Variants in WWOX observed in about 807,000 individuals in gnomAD.
WWOX encodes WW domain containing oxidoreductase.
Under a neutral mutation model 46.2 loss-of-function variants are expected in WWOX, and 69 were observed. The ratio of observed to expected loss-of-function variants is 1.49; its 90% CI spans 1.23 to 1.82. The LOEUF is 1.82. Among genes scored for constraint, WWOX ranks in the 40% most tolerant of loss-of-function variants. The pLI is 0.00. For missense variants in WWOX, 919 were observed against 542.6 expected (o/e 1.69, Z -6.89); for synonymous variants, 359 against 202.6 (o/e 1.77, Z -6.56).
intron 5 of WWOX, among the ~76,000 whole-genome samples, chr16:78,324,276 G>C (rs759002694): frequency 6.6e-6 from 1 of 152,112 alleles, no homozygotes; most frequent in Non-Finnish European, 1.5e-5. Flanking sequence ...ATGTAGAAGT[G>C]AAAAGTCAGA....
intron 8 of WWOX, among the ~76,000 whole-genome samples, chr16:79,198,236 G>C (rs1436768705): frequency 1.3e-5 from 2 of 152,124 alleles, no homozygotes; most frequent in East Asian, 3.9e-4. Context: ...TACTCGGGAG[G>C]CTGAGGCAGG....
At chr16:78,401,084 T>C (rs1567550303) in intron 6 of WWOX, among the ~76,000 whole-genome samples, 1 of 152,216 alleles carries the variant, frequency 6.6e-6, no homozygotes, top group African/African-American at 2.4e-5. Context: ...CCTCCCAAAA[T>C]ACTGGGATTA....
At chr16:79,108,347 G>A (rs536244770) in intron 8 of WWOX, among the ~76,000 whole-genome samples, 3 of 152,354 alleles carry the variant, frequency 2.0e-5, no homozygotes, top group Admixed American at 2.0e-4. Context: ...TAGCTGAGCT[G>A]CGTATTAAGT....
intron 8 of WWOX, among the ~76,000 whole-genome samples, chr16:78,777,378 T>C (rs1464949035): frequency 6.6e-6 from 1 of 152,210 alleles, no homozygotes; most frequent in African/African-American, 2.4e-5. Flanking sequence ...GTGACTAGTA[T>C]GACCAGGGGC....
chr16:78,522,112 T>C (rs1197883191), intron 8 of WWOX, among the ~76,000 whole-genome samples: 1 of 142,764 alleles, frequency 7.0e-6, no homozygotes, highest in Non-Finnish European at 1.5e-5. Context: ...TACAAGGGAA[T>C]ATGGAGGAGA....
chr16:78,630,075 A>G (rs550306412), intron 8 of WWOX, among the ~76,000 whole-genome samples: 14 of 152,110 alleles, frequency 9.2e-5, no homozygotes, highest in Non-Finnish European at 1.8e-4. Context: ...CAGGGATTTT[A>G]GTCTATTTCA....
chr16:78,961,593 G>A (rs56397326), intron 8 of WWOX, among the ~76,000 whole-genome samples: 10,145 of 151,916 alleles, frequency 0.067, 456 homozygotes, highest in Non-Finnish European at 0.1. Flanking sequence ...AGTAAGGGGG[G>A]ATAAATGAAA....
chr16:78,471,998 A>G (rs17638536), intron 8 of WWOX, among the ~76,000 whole-genome samples: 21,065 of 152,162 alleles, frequency 0.14, 1,557 homozygotes, highest in Non-Finnish European at 0.16. Flanking sequence ...CCAATGTTTC[A>G]CTTTATTCAG....
In WWOX at chr16:78,401,348, C is replaced by G. The variant is rs1269451154; in HGVS notation, c.605+14400C>G. On this transcript the variant is annotated intron_variant, in intron 6 of 8. Transcript: ENST00000566780. ...TTGAACCTAATATTTCTTAAAGTAG[C>G]TAAAATTCAGATATTGAGAATAAAT... 2.0e-5 allele frequency among the ~76,000 whole-genome samples: 3 copies of G among 152,082 alleles called. No homozygotes were observed. The South Asian group carries it at 6.2e-4, about 32-fold the overall frequency.
Position 79,137,938 on chromosome 16 carries a change from T to C in WWOX, c.1057-73670T>C, listed in dbSNP as rs149153303. On this transcript the variant is annotated intron_variant, in intron 8 of 8. Transcript: ENST00000566780. ...CATCAGAGGAAGAAAAAAAAAACTT[T>C]GAAGTTTTGAGGATGAAATTGGTAA... Among the ~76,000 whole-genome samples the C allele has an allele frequency of 3.8e-3, 572 of 152,194 alleles. 6 individuals carry two copies. The highest frequency in any genetic ancestry group is 0.013 in the African/African-American group (541 of 41,506).
chr16:79,053,371 G>A (rs560677887), intron 8 of WWOX, among the ~76,000 whole-genome samples: 55 of 152,206 alleles, frequency 3.6e-4, no homozygotes, highest in African/African-American at 1.2e-3. Flanking sequence ...TTCTTAGTGC[G>A]CACGTAAAGA....
chr16:78,483,460 T>C (rs1207644781), intron 8 of WWOX, among the ~76,000 whole-genome samples: 1 of 151,288 alleles, frequency 6.6e-6, no homozygotes, highest in Non-Finnish European at 1.5e-5. Flanking sequence ...TAATGGTCTT[T>C]AGCAAAGGAA....
At chr16:78,951,949 G>A (rs1375583977) in intron 8 of WWOX, among the ~76,000 whole-genome samples, 1 of 152,188 alleles carries the variant, frequency 6.6e-6, no homozygotes, top group Non-Finnish European at 1.5e-5. Context: ...TTAAACTGTA[G>A]CAAAGTGATC....
rs575465810 is a variant in WWOX at position 78,400,288 on chromosome 16, A to T, written c.605+13340A>T. Among the ~76,000 whole-genome samples, 18 of 152,322 alleles carry T rather than the reference A, an allele frequency of 1.2e-4. No homozygotes were observed. In the East Asian group the frequency reaches 3.5e-3, roughly 29 times the overall value. ...TTATGCATAAGGTGACAAATTACAC[A>T]GCTTTGGGAAATGGGTCTTAATGGA... is the stretch of plus-strand genomic sequence containing the variant. On this transcript the variant is annotated intron_variant, in intron 6 of 8. Transcript: ENST00000566780.
At chr16:78,747,500 A>G (rs532142669) in intron 8 of WWOX, among the ~76,000 whole-genome samples, 3 of 152,298 alleles carry the variant, frequency 2.0e-5, no homozygotes, top group Admixed American at 6.5e-5. Context: ...GCATCTCCCA[A>G]CAACCCTAGG....
In WWOX at chr16:78,430,721, C is replaced by G. The variant is rs187128987; in HGVS notation, c.792-1767C>G. On this transcript the variant is annotated intron_variant, in intron 7 of 8. Coordinates refer to ENST00000566780, the MANE Select transcript of WWOX (RefSeq NM_016373.4). ...AACAATTCGTTTCAAGGTCTCATTTCTGTATCCTTGATGACGTTTCTGGCC... is the reference window on the plus strand; with the variant it reads ...AACAATTCGTTTCAAGGTCTCATTTGTGTATCCTTGATGACGTTTCTGGCC... Among the ~76,000 whole-genome samples, 1,222 of 152,268 alleles carry G rather than the reference C, an allele frequency of 8.0e-3. 11 individuals are homozygous for G. Among genetic ancestry groups the G allele is most frequent in the Non-Finnish European group, 8.6e-3 (585 of 68,030 alleles).
chr16:78,635,719 A>C (rs901741091), intron 8 of WWOX, among the ~76,000 whole-genome samples: 10 of 152,198 alleles, frequency 6.6e-5, no homozygotes, highest in African/African-American at 2.4e-4. Flanking sequence ...ATCTCCGTCC[A>C]CATCAATGTC....
At chr16:78,501,743 G>C (rs1364997511) in intron 8 of WWOX, among the ~76,000 whole-genome samples, 1 of 152,048 alleles carries the variant, frequency 6.6e-6, no homozygotes, top group Non-Finnish European at 1.5e-5. Flanking sequence ...CACCATGTTG[G>C]CCAGGCTGGT....
chr16:79,119,951 C>T (rs891083051), intron 8 of WWOX, among the ~76,000 whole-genome samples: 1 of 152,140 alleles, frequency 6.6e-6, no homozygotes, highest in Admixed American at 6.5e-5. Flanking sequence ...GTTCAGGGGC[C>T]GTGGAATGGA....
Sources: gnomAD v4.1 joint callset for allele counts (sites outside exome capture counted in the v4.1 genomes callset) on GRCh38, gnomAD v4.1.1 for gene constraint, MANE v1.5 for transcripts, NCBI Gene and HGNC (gene_info 2026-07-23, HGNC 2026-07-21) for gene names.